The following SLC67A2 variants were observed in gnomAD, a reference collection of about 807,000 sequenced individuals.
SLC67A2 encodes solute carrier family 67 member 2, also known as solute carrier family 67 member A2.
chr2:102,715,912 G>C, the SLC67A2 span: 1 of 152,046 alleles, frequency 6.6e-6, no homozygotes, highest in African/African-American at 2.4e-5. Flanking sequence ...CTTAGACCAG[G>C]GGTTTTCAAA....
the SLC67A2 span, among the ~76,000 whole-genome samples, chr2:102,721,919 T>A: frequency 6.6e-6 from 1 of 152,188 alleles, no homozygotes; most frequent in African/African-American, 2.4e-5. Context: ...TTTCCCAGGC[T>A]GGTCTTGAAC....
chr2:102,721,097 G>A, the SLC67A2 span, among the ~76,000 whole-genome samples: 26 of 152,246 alleles, frequency 1.7e-4, no homozygotes, highest in East Asian at 3.5e-3. Context: ...CACTTGCAGC[G>A]GAATGTTTTC....
At chr2:102,714,877 T>C in the SLC67A2 span, among the ~76,000 whole-genome samples, 1 of 152,192 alleles carries the variant, frequency 6.6e-6, no homozygotes, top group Non-Finnish European at 1.5e-5. Flanking sequence ...AATAGCTGTT[T>C]TCTGAATGCA....
chr2:102,736,578 AGAACCGCCTGG>A, the SLC67A2 span: 1 of 1,612,686 alleles, frequency 6.2e-7, no homozygotes, highest in Admixed American at 1.7e-5. Context: ...GGAAGCTCCA[AGAACCGCCTGG>A]GTCCCCAGGC....
At chr2:102,718,449 C>T in the SLC67A2 span, 1 of 1,614,150 alleles carries the variant, frequency 6.2e-7, no homozygotes, top group South Asian at 1.1e-5. Context: ...CTATTCCCAT[C>T]ACCACTAGAG....
chr2:102,736,780 A>G, the SLC67A2 span: 1 of 1,613,212 alleles, frequency 6.2e-7, no homozygotes, highest in South Asian at 1.1e-5. Context: ...CTCGGGGCCG[A>G]GTTCATGTCC....
the SLC67A2 span, among the ~76,000 whole-genome samples, chr2:102,720,761 T>C: frequency 6.6e-6 from 1 of 152,116 alleles, no homozygotes; most frequent in Non-Finnish European, 1.5e-5. Flanking sequence ...TTCCTAACCA[T>C]ATGAACAGAA....
At chr2:102,716,592 C>A in the SLC67A2 span, 1 of 152,170 alleles carries the variant, frequency 6.6e-6, no homozygotes, top group Non-Finnish European at 1.5e-5. Flanking sequence ...AAACATACTT[C>A]CAATTATTTA....
chr2:102,716,356 T>G, the SLC67A2 span: 95 of 152,374 alleles, frequency 6.2e-4, no homozygotes, highest in African/African-American at 1.9e-3. Flanking sequence ...CAAACTCTTC[T>G]GAAATTCTAT....
At chr2:102,716,962 T>C in the SLC67A2 span, 3 of 152,194 alleles carry the variant, frequency 2.0e-5, no homozygotes, top group Non-Finnish European at 4.4e-5. Flanking sequence ...AGACAAGAAA[T>C]GGCACATCAA....
At chr2:102,733,994 T>C in the SLC67A2 span, among the ~76,000 whole-genome samples, 2 of 152,182 alleles carry the variant, frequency 1.3e-5, no homozygotes, top group Non-Finnish European at 2.9e-5. Context: ...TGTTCTAAAA[T>C]TGCCTTCTCC....
chr2:102,725,111 G>A, the SLC67A2 span, among the ~76,000 whole-genome samples: 2 of 152,152 alleles, frequency 1.3e-5, no homozygotes, highest in African/African-American at 2.4e-5. Context: ...TTGGGGTGGT[G>A]GACAGAGTGG....
the SLC67A2 span, chr2:102,718,896 G>A: frequency 1.3e-5 from 21 of 1,614,072 alleles, no homozygotes; most frequent in African/African-American, 5.3e-5. Context: ...ACCTTGGGCC[G>A]CACCCCAAAG....
At chr2:102,719,247 C>T in the SLC67A2 span, 2 of 1,577,594 alleles carry the variant, frequency 1.3e-6, no homozygotes, top group Non-Finnish European at 1.7e-6. Context: ...CATCTGAATG[C>T]ACTGAATCCA....
chr2:102,719,232 T>G, the SLC67A2 span: 1 of 1,598,050 alleles, frequency 6.3e-7, no homozygotes. Context: ...TGAGACCGGT[T>G]AAAGCATCTG....
the SLC67A2 span, among the ~76,000 whole-genome samples, chr2:102,735,875 AACCAAAC>A: frequency 2.0e-5 from 3 of 149,986 alleles, no homozygotes; most frequent in Non-Finnish European, 4.4e-5. Context: ...CACACGATGA[AACCAAAC>A]CGCCATTGTG....
the SLC67A2 span, among the ~76,000 whole-genome samples, chr2:102,728,784 C>T: frequency 6.6e-6 from 1 of 152,176 alleles, no homozygotes; most frequent in Non-Finnish European, 1.5e-5. Context: ...CTCTATGCCT[C>T]AGTCTCTCTA....
At chr2:102,734,571 T>C in the SLC67A2 span, among the ~76,000 whole-genome samples, 1 of 152,208 alleles carries the variant, frequency 6.6e-6, no homozygotes, top group South Asian at 2.1e-4. Flanking sequence ...TGTATAATGT[T>C]CCTTAGATGT....
At chr2:102,736,651 A>G in the SLC67A2 span, 45 of 1,613,736 alleles carry the variant, frequency 2.8e-5, no homozygotes, top group African/African-American at 5.7e-4. Flanking sequence ...CTCACCAAGA[A>G]GCCCACCAAG....
Sources: gnomAD v4.1 joint callset for allele counts (sites outside exome capture counted in the v4.1 genomes callset) on GRCh38, gnomAD v4.1.1 for gene constraint, MANE v1.5 for transcripts, NCBI Gene and HGNC (gene_info 2026-07-23, HGNC 2026-07-21) for gene names.